AGBL4: variants seen among roughly 807,000 people sequenced by gnomAD.
AGBL4 encodes the protein AGBL carboxypeptidase 4.
Under a neutral mutation model 66.4 loss-of-function variants are expected in AGBL4, and 58 were observed. The observed-to-expected ratio is 0.87, with a 90% CI of 0.71 to 1.09. The LOEUF is 1.09. Among genes scored for constraint, AGBL4 ranks in the 50% least tolerant of loss-of-function variants. The pLI, the probability that AGBL4 is intolerant of heterozygous loss-of-function variation, is 0.00. For synonymous variants in AGBL4, 234 were observed against 222.9 expected (o/e 1.05, Z -0.44); for missense variants, 579 against 631.0 (o/e 0.92, Z 0.88).
intron 7 of AGBL4, among the ~76,000 whole-genome samples, chr1:48,662,225 C>T (rs771686259): frequency 2.0e-5 from 3 of 152,236 alleles, no homozygotes; most frequent in Non-Finnish European, 4.4e-5. Context: ...TGAGTGCCTG[C>T]TGTGTGCCAG....
At chr1:49,543,154 C>T (rs1309455455) in intron 3 of AGBL4, among the ~76,000 whole-genome samples, 1 of 152,120 alleles carries the variant, frequency 6.6e-6, no homozygotes, top group Non-Finnish European at 1.5e-5. Flanking sequence ...CTCTAGTCTA[C>T]ACCTCTAATC....
chr1:49,949,973 T>TAC lies in AGBL4; in HGVS notation c.34+73788_34+73789dup, dbSNP rs1351109781. Among the ~76,000 whole-genome samples, 70 of 145,596 alleles carry TAC rather than the reference T, an allele frequency of 4.8e-4. 1 individual carries two copies. The South Asian group carries it at 9.2e-3, about 19-fold the overall frequency. Reference sequence around the variant, plus strand: ...AACCCAAATGCCATATATATATATATACACACATATGTATATATATATGTG... The same window carrying TAC: ...AACCCAAATGCCATATATATATATATACACACACATATGTATATATATATGTG... On this transcript the variant is annotated intron_variant, in intron 1 of 13. Coordinates refer to ENST00000371839, the MANE Select transcript of AGBL4 (RefSeq NM_032785.4).
intron 4 of AGBL4, among the ~76,000 whole-genome samples, chr1:49,071,013 T>C (rs1644592896): frequency 6.6e-6 from 1 of 151,974 alleles, no homozygotes; most frequent in Admixed American, 6.5e-5. Flanking sequence ...TCTTCTAGAT[T>C]TTCTAGAAGA....
At chr1:49,250,362 A>C (rs1651950337) in intron 3 of AGBL4, among the ~76,000 whole-genome samples, 1 of 151,822 alleles carries the variant, frequency 6.6e-6, no homozygotes, top group Non-Finnish European at 1.5e-5. Flanking sequence ...CAAGGAACTG[A>C]GAGTGGATGG....
At chr1:48,668,532 G>A (rs1042663781) in intron 6 of AGBL4, among the ~76,000 whole-genome samples, 2 of 152,030 alleles carry the variant, frequency 1.3e-5, no homozygotes, top group Admixed American at 6.5e-5. Flanking sequence ...CCCAAGACAC[G>A]ACATGTTCTC....
rs1457878603 is a variant in AGBL4, at chr1:49,287,452, G to A, written c.283-41588C>T. Among the ~76,000 whole-genome samples the A allele has an allele frequency of 2.5e-4, 38 of 149,502 alleles. 1 individual carries two copies. The highest frequency in any genetic ancestry group is 1.7e-3 in the South Asian group (8 of 4,720). ...ACCTACAAAATGGGAGAAAATTTTC[G>A]CAACCTACTCATCTGACAAAGGGCT... On this transcript the variant is annotated intron_variant, in intron 3 of 13. Transcript: ENST00000371839.
chr1:49,824,212 A>T (rs1359997261), intron 2 of AGBL4, among the ~76,000 whole-genome samples: 1 of 152,136 alleles, frequency 6.6e-6, no homozygotes, highest in Non-Finnish European at 1.5e-5. Flanking sequence ...CCGTCTCAAA[A>T]ACAAAACAAA....
chr1:49,679,686 T>C (rs1260227006), intron 3 of AGBL4, among the ~76,000 whole-genome samples: 1 of 152,166 alleles, frequency 6.6e-6, no homozygotes, highest in Non-Finnish European at 1.5e-5. Flanking sequence ...ACTTTTCTTC[T>C]TTTTAGAATT....
intron 3 of AGBL4, among the ~76,000 whole-genome samples, chr1:49,624,796 T>A (rs1645434182): frequency 6.6e-6 from 1 of 152,204 alleles, no homozygotes; most frequent in Non-Finnish European, 1.5e-5. Flanking sequence ...AATACACGCA[T>A]CTAGACCTTT....
intron 6 of AGBL4, among the ~76,000 whole-genome samples, chr1:48,667,547 T>A (rs1646208842): frequency 6.6e-6 from 1 of 152,212 alleles, no homozygotes; most frequent in Non-Finnish European, 1.5e-5. Context: ...GTTCCCACAT[T>A]CTTGACCCAC....
At chr1:48,748,962 C>T (rs1651216416) in intron 6 of AGBL4, among the ~76,000 whole-genome samples, 1 of 152,148 alleles carries the variant, frequency 6.6e-6, no homozygotes, top group African/African-American at 2.4e-5. Context: ...GACACAGATG[C>T]CTCCACAGTG....
chr1:49,038,949 A>G (rs1249568544), intron 5 of AGBL4, among the ~76,000 whole-genome samples: 1 of 152,134 alleles, frequency 6.6e-6, no homozygotes, highest in Non-Finnish European at 1.5e-5. Flanking sequence ...AAAGCAACTA[A>G]GATATCCTTC....
At chr1:49,766,058 G>C (rs147851722) in intron 2 of AGBL4, among the ~76,000 whole-genome samples, 3 of 152,130 alleles carry the variant, frequency 2.0e-5, no homozygotes, top group Non-Finnish European at 4.4e-5. Context: ...TGCTACAGAG[G>C]TAGCCGGATA....
chr1:48,788,306 G>A (rs1645457526), intron 6 of AGBL4, among the ~76,000 whole-genome samples: 2 of 152,280 alleles, frequency 1.3e-5, no homozygotes, highest in South Asian at 4.1e-4. Context: ...AGGTCACAGG[G>A]TAATGACAAG....
intron 3 of AGBL4, among the ~76,000 whole-genome samples, chr1:49,369,668 A>G (rs1156914285): frequency 6.6e-6 from 1 of 152,182 alleles, no homozygotes; most frequent in Non-Finnish European, 1.5e-5. Flanking sequence ...TCAAATCTTC[A>G]CCTGAATACT....
At chr1:49,930,110 A>C (rs1211402635) in intron 1 of AGBL4, among the ~76,000 whole-genome samples, 1 of 152,074 alleles carries the variant, frequency 6.6e-6, no homozygotes, top group Non-Finnish European at 1.5e-5. Flanking sequence ...GAAATTATCC[A>C]TTTTTTAGAA....
intron 1 of AGBL4, among the ~76,000 whole-genome samples, chr1:49,986,449 T>C (rs2148395238): frequency 6.6e-6 from 1 of 152,234 alleles, no homozygotes; most frequent in East Asian, 1.9e-4. Flanking sequence ...CTTCCACCTA[T>C]TATTTAAAAA....
chr1:49,499,242 T>C (rs1418049021), intron 3 of AGBL4, among the ~76,000 whole-genome samples: 1 of 152,042 alleles, frequency 6.6e-6, no homozygotes, highest in Non-Finnish European at 1.5e-5. Context: ...TCAACATTTG[T>C]GTGTTCAGAT....
intron 9 of AGBL4, among the ~76,000 whole-genome samples, chr1:48,594,764 C>T (rs1644970288): frequency 6.6e-6 from 1 of 152,122 alleles, no homozygotes; most frequent in South Asian, 2.1e-4. Flanking sequence ...TGCATCTCTT[C>T]CCCACTGACA....
Sources: gnomAD v4.1 joint callset for allele counts (sites outside exome capture counted in the v4.1 genomes callset) on GRCh38, gnomAD v4.1.1 for gene constraint, MANE v1.5 for transcripts, NCBI Gene and HGNC (gene_info 2026-07-23, HGNC 2026-07-21) for gene names.